The following SORBS2 variants were observed in gnomAD, a reference collection of about 807,000 sequenced individuals.
SORBS2 encodes sorbin and SH3 domain containing 2, also known as sorbin and SH3 domain-containing protein 2.
Under a neutral mutation model 97.7 loss-of-function variants are expected in SORBS2, and 46 were observed. The observed-to-expected ratio is 0.47, with a 90% CI of 0.37 to 0.60. The LOEUF (loss-of-function observed/expected upper bound fraction) is 0.60, where lower values mean the gene tolerates loss of function less well. Ranked by LOEUF, SORBS2 falls within the 20% of genes least tolerant of loss-of-function variation. The pLI is 0.00. For missense variants in SORBS2, 1,316 were observed against 1,282.3 expected, an observed-to-expected ratio of 1.03 and a Z score of -0.40; for synonymous variants, 476 against 473.4, an observed-to-expected ratio of 1.01 and a Z score of -0.07.
chr4:185,844,555 A>G (rs1450089020), intron 1 of SORBS2, among the ~76,000 whole-genome samples: 1 of 152,226 alleles, frequency 6.6e-6, no homozygotes, highest in Non-Finnish European at 1.5e-5. Context: ...AAACAGTTTC[A>G]TGATTCCACA....
At chr4:185,639,127 T>C (rs1439706280) in intron 4 of SORBS2, 92 bp from the exon 14 acceptor site, 4 of 1,228,832 alleles carry the variant, frequency 3.3e-6, no homozygotes, top group Admixed American at 3.5e-5. Context: ...GTGCCTGCGT[T>C]AGGCCGGGAG....
chr4:185,756,415 T>C (rs903108577), intron 2 of SORBS2, among the ~76,000 whole-genome samples: 1 of 152,212 alleles, frequency 6.6e-6, no homozygotes, highest in Non-Finnish European at 1.5e-5. Flanking sequence ...CACTCTTCTG[T>C]TCTAGGATCT....
intron 4 of SORBS2, among the ~76,000 whole-genome samples, chr4:185,643,929 T>C (rs2153451798): frequency 6.6e-6 from 1 of 152,290 alleles, no homozygotes; most frequent in African/African-American, 2.4e-5. Flanking sequence ...TAGCCTGTAT[T>C]TTCAACACTT....
intron 1 of SORBS2, among the ~76,000 whole-genome samples, chr4:185,888,359 G>A (rs1360791306): frequency 1.3e-5 from 2 of 152,126 alleles, no homozygotes; most frequent in Non-Finnish European, 2.9e-5. Flanking sequence ...AGAGGAGAAG[G>A]CAATGTGGAG....
chr4:185,849,927 A>G (rs2099216844), intron 1 of SORBS2, among the ~76,000 whole-genome samples: 1 of 152,222 alleles, frequency 6.6e-6, no homozygotes, highest in African/African-American at 2.4e-5. Context: ...TACAAGAACA[A>G]CTGGGGCAGA....
intron 2 of SORBS2, among the ~76,000 whole-genome samples, chr4:185,650,939 C>T (rs1053593692): frequency 1.3e-5 from 2 of 152,034 alleles, no homozygotes; most frequent in Admixed American, 6.6e-5. Flanking sequence ...AGTTAAAGGG[C>T]CTGAATGTGG....
intron 2 of SORBS2, among the ~76,000 whole-genome samples, chr4:185,735,950 C>A (rs1055694117): frequency 1.3e-5 from 2 of 152,182 alleles, no homozygotes; most frequent in Admixed American, 6.5e-5. Context: ...ACTATTACAG[C>A]AAGCTCTTTT....
At chr4:185,647,838 C>T (rs1156395322) in intron 3 of SORBS2, among the ~76,000 whole-genome samples, 1 of 152,104 alleles carries the variant, frequency 6.6e-6, no homozygotes, top group Non-Finnish European at 1.5e-5. Flanking sequence ...CATATGAAAG[C>T]CATATGGAAT....
intron 2 of SORBS2, among the ~76,000 whole-genome samples, chr4:185,724,931 A>G (rs577372748): frequency 4.1e-4 from 63 of 152,340 alleles, no homozygotes; most frequent in African/African-American, 1.5e-3. Flanking sequence ...TCACCGCAGC[A>G]TCTGTGAGAT....
intron 2 of SORBS2, among the ~76,000 whole-genome samples, chr4:185,747,647 G>A (rs2098771181): frequency 6.6e-6 from 1 of 152,112 alleles, no homozygotes; most frequent in Non-Finnish European, 1.5e-5. Flanking sequence ...TGGTGGTCAG[G>A]GCAGTGGTTT....
rs573091968 is a variant in SORBS2, at chr4:185,931,461, G to A, written c.-338+24735C>T. Among the ~76,000 whole-genome samples the A allele has an allele frequency of 2.0e-5, 3 of 152,326 alleles. No homozygotes were observed. In the East Asian group the frequency reaches 5.8e-4, roughly 29 times the overall value. ...TGAGCTCAACTCCAACTACAAGGAC[G>A]AGCGGAGACTGATGGCCAAGAAGCA... On this transcript the variant is annotated intron_variant, in intron 1 of 20. Transcript: ENST00000284776.
chr4:185,657,571 A>G (rs370757154), upstream of SORBS2: 12 of 1,588,792 alleles, frequency 7.6e-6, no homozygotes, highest in African/African-American at 9.6e-5. Flanking sequence ...GAGACTGCGC[A>G]TGCTGGGGAT....
intron 2 of SORBS2, among the ~76,000 whole-genome samples, chr4:185,691,972 C>T (rs1010295611): frequency 1.3e-5 from 2 of 152,234 alleles, no homozygotes; most frequent in Admixed American, 6.5e-5. Flanking sequence ...TGGCTACGAT[C>T]TCCTGACCTT....
At chr4:185,656,144 C>T (rs576743172) in intron 1 of SORBS2, among the ~76,000 whole-genome samples, 2 of 152,282 alleles carry the variant, frequency 1.3e-5, no homozygotes, top group African/African-American at 2.4e-5. Flanking sequence ...GTCATAATCC[C>T]TGAACTTTTC....
intron 2 of SORBS2, among the ~76,000 whole-genome samples, chr4:185,738,672 C>G (rs1445910092): frequency 6.6e-6 from 1 of 152,080 alleles, no homozygotes; most frequent in Non-Finnish European, 1.5e-5. Context: ...TTAAACATAT[C>G]TTTATATAGA....
At chr4:185,934,871 C>T (rs934275182) in intron 1 of SORBS2, among the ~76,000 whole-genome samples, 6 of 151,868 alleles carry the variant, frequency 4.0e-5, no homozygotes, top group African/African-American at 1.2e-4. Context: ...TCTTTCTAAA[C>T]ACTGTTCTGT....
intron 1 of SORBS2, among the ~76,000 whole-genome samples, chr4:185,855,139 G>GA (rs2099220080): frequency 6.6e-6 from 1 of 152,182 alleles, no homozygotes; most frequent in African/African-American, 2.4e-5. Flanking sequence ...CCAGGGCATA[G>GA]TTTTTCCTTG....
rs2099203785 is a variant in SORBS2, at chr4:185,829,268, G to A, written c.-337-53902C>T. On this transcript the variant is annotated intron_variant, in intron 1 of 20. Transcript: ENST00000284776. ...CAGCTCCATGGGTAAACGGTGTGAT[G>A]TGGTTGGCAAATCAAGCTCTGTTTT... Among the ~76,000 whole-genome samples, 10 of 152,188 alleles carry A rather than the reference G, an allele frequency of 6.6e-5. No homozygotes were observed. The South Asian group carries it at 1.9e-3, about 28-fold the overall frequency.
intron 1 of SORBS2, among the ~76,000 whole-genome samples, chr4:185,888,807 A>G (rs1018835949): frequency 7.0e-6 from 1 of 143,696 alleles, no homozygotes; most frequent in Non-Finnish European, 1.5e-5. Context: ...AACACTCAAC[A>G]CAGGGAAAGC....
Sources: gnomAD v4.1 joint callset for allele counts (sites outside exome capture counted in the v4.1 genomes callset) on GRCh38, gnomAD v4.1.1 for gene constraint, MANE v1.5 for transcripts, NCBI Gene and HGNC (gene_info 2026-07-23, HGNC 2026-07-21) for gene names.